Variants in SMPD3 observed in about 807,000 individuals in gnomAD.
The protein encoded by SMPD3 is sphingomyelin phosphodiesterase 3.
SMPD3 carries 21 observed loss-of-function variants against 55.7 expected under a neutral mutation model. The observed-to-expected ratio is 0.38, with a 90% CI of 0.27 to 0.54. The LOEUF (loss-of-function observed/expected upper bound fraction) is 0.54, where lower values mean the gene tolerates loss of function less well. Ranked by LOEUF, SMPD3 falls within the 20% of genes least tolerant of loss-of-function variation. SMPD3 has a pLI of 0.80. For synonymous variants in SMPD3, 457 were observed against 404.3 expected (o/e 1.13, Z -1.56); for missense variants, 842 against 899.6 (o/e 0.94, Z 0.82).
chr16:68,383,781 C>T (rs1280439207), intron 2 of SMPD3, among the ~76,000 whole-genome samples: 1 of 152,136 alleles, frequency 6.6e-6, no homozygotes, highest in Non-Finnish European at 1.5e-5. Flanking sequence ...AAGTTTATTA[C>T]TCCTCCTCCC....
Position 68,361,041 on chromosome 16 carries a change from C to A in SMPD3, c.*165G>T. 1.6e-6 allele frequency: 1 copy of A among 639,946 alleles called. No homozygotes were observed. The highest frequency in any genetic ancestry group is 2.0e-5 in the South Asian group (1 of 50,882). 39.6% of individuals were successfully genotyped at this position (639,946 alleles called of 1,614,324 possible). On this transcript the variant is annotated 3_prime_UTR_variant, in exon 9 of 9. Coordinates refer to ENST00000219334, the MANE Select transcript of SMPD3 (RefSeq NM_018667.4). ...TGACTCCTCTGTCCACAGTGAGGCCCAGAGGCGCAGAGCAGCGCAGCTTCC... is the reference window on the plus strand; with the variant it reads ...TGACTCCTCTGTCCACAGTGAGGCCAAGAGGCGCAGAGCAGCGCAGCTTCC...
At chr16:68,448,119 T>G (rs550073119) in intron 1 of SMPD3, among the ~76,000 whole-genome samples, 96 of 151,754 alleles carry the variant, frequency 6.3e-4, no homozygotes, top group African/African-American at 2.2e-3. Context: ...GGGGTGGGGG[T>G]GACCCCCAGC....
At chr16:68,438,029 G>A (rs571373535) in intron 1 of SMPD3, among the ~76,000 whole-genome samples, 1 of 152,316 alleles carries the variant, frequency 6.6e-6, no homozygotes, top group Non-Finnish European at 1.5e-5. Flanking sequence ...AATTTGCAAT[G>A]ACCCCAACTC....
chr16:68,367,071 G>A (rs928599704), intron 3 of SMPD3, among the ~76,000 whole-genome samples: 2 of 152,070 alleles, frequency 1.3e-5, no homozygotes, highest in African/African-American at 4.8e-5. Flanking sequence ...AGGAGGCTGA[G>A]GCAGGAGAAT....
chr16:68,428,449 C>G (rs2152028291), intron 1 of SMPD3, among the ~76,000 whole-genome samples: 1 of 152,336 alleles, frequency 6.6e-6, no homozygotes, highest in African/African-American at 2.4e-5. Flanking sequence ...TTGCAGGGAG[C>G]AGGAGCAGCA....
At chr16:68,363,084 CTG>C (rs1425832434) in intron 7 of SMPD3, among the ~76,000 whole-genome samples, 3 of 152,132 alleles carry the variant, frequency 2.0e-5, no homozygotes, top group African/African-American at 4.8e-5. Flanking sequence ...CAGCTGGTGT[CTG>C]TATTTGCCTG....
At chr16:68,372,470 C>A in intron 2 of SMPD3, 83 bp from the exon 3 acceptor site, 2 of 487,422 alleles carry the variant, frequency 4.1e-6, no homozygotes, top group Non-Finnish European at 7.5e-6. Context: ...CCAGCTCATC[C>A]CACTCCTGCT....
Position 68,418,104 on chromosome 16 carries a change from C to T in SMPD3, c.-269+30249G>A, listed in dbSNP as rs370216815. Among the ~76,000 whole-genome samples the T allele has an allele frequency of 3.3e-5, 5 of 152,264 alleles. No individual in the cohort carries two copies. In the East Asian group the frequency reaches 9.7e-4, roughly 29 times the overall value. ...CCTATCATGTTGCCGGATCTGCCCC[C>T]ACTCCCTTCCTGTTGTGTGCGGGCT... On this transcript the variant is annotated intron_variant, in intron 1 of 8. Coordinates refer to ENST00000219334, the MANE Select transcript of SMPD3 (RefSeq NM_018667.4).
At chr16:68,387,558 C>G (rs1433482425) in intron 1 of SMPD3, among the ~76,000 whole-genome samples, 5 of 152,228 alleles carry the variant, frequency 3.3e-5, no homozygotes, top group Middle Eastern at 3.2e-3. Context: ...GGCCCAGTCC[C>G]AGGCCTTGTC....
At chr16:68,377,423 G>A (rs1316243743) in intron 2 of SMPD3, among the ~76,000 whole-genome samples, 1 of 152,238 alleles carries the variant, frequency 6.6e-6, no homozygotes, top group Non-Finnish European at 1.5e-5. Flanking sequence ...GCCCCAGACT[G>A]CGGCTGCTCC....
At chr16:68,389,788 C>T (rs1597637835) in intron 1 of SMPD3, among the ~76,000 whole-genome samples, 1 of 152,172 alleles carries the variant, frequency 6.6e-6, no homozygotes, top group African/African-American at 2.4e-5. Context: ...GGGGAAAAAT[C>T]TTGACTGAAC....
chr16:68,384,566 G>A (rs1243648181), intron 2 of SMPD3, among the ~76,000 whole-genome samples: 1 of 152,166 alleles, frequency 6.6e-6, no homozygotes, highest in Non-Finnish European at 1.5e-5. Context: ...AGCAGAAGGA[G>A]GGACGGCCTT....
chr16:68,384,190 G>A (rs1045306660), intron 2 of SMPD3, among the ~76,000 whole-genome samples: 1 of 152,204 alleles, frequency 6.6e-6, no homozygotes, highest in African/African-American at 2.4e-5. Context: ...GTCCCCCACT[G>A]TGCCCTTCCA....
At chr16:68,422,607 G>A (rs1443985000) in intron 1 of SMPD3, among the ~76,000 whole-genome samples, 6 of 152,210 alleles carry the variant, frequency 3.9e-5, no homozygotes, top group African/African-American at 7.2e-5. Flanking sequence ...CTCCCACTGA[G>A]GGGTTGTTTA....
chr16:68,378,574 C>G (rs758514804), intron 2 of SMPD3, among the ~76,000 whole-genome samples: 1 of 152,084 alleles, frequency 6.6e-6, no homozygotes, highest in East Asian at 1.9e-4. Context: ...CACACCCCCC[C>G]ACCCCCTCAG....
intron 2 of SMPD3, among the ~76,000 whole-genome samples, chr16:68,382,563 G>A (rs1205945468): frequency 6.6e-6 from 1 of 152,204 alleles, no homozygotes; most frequent in Non-Finnish European, 1.5e-5. Context: ...GAGATAGGAA[G>A]GTGGTGGGTA....
At chr16:68,436,391 C>T (rs1055815049) in intron 1 of SMPD3, among the ~76,000 whole-genome samples, 12 of 152,106 alleles carry the variant, frequency 7.9e-5, no homozygotes, top group African/African-American at 2.9e-4. Context: ...TTATTCACTC[C>T]TCCCCCTGGT....
At chr16:68,370,271 GA>G (rs1188194761) in intron 3 of SMPD3, 5 of 153,884 alleles carry the variant, frequency 3.2e-5, no homozygotes, top group African/African-American at 1.2e-4. Flanking sequence ...CTGGTGGGCA[GA>G]CAGCCTGGCA....
chr16:68,425,400 T>A (rs1259741023), intron 1 of SMPD3, among the ~76,000 whole-genome samples: 1 of 152,152 alleles, frequency 6.6e-6, no homozygotes, highest in East Asian at 1.9e-4. Flanking sequence ...TCCAGCTGGA[T>A]GGTTCCAAGG....
Sources: gnomAD v4.1 joint callset for allele counts (sites outside exome capture counted in the v4.1 genomes callset) on GRCh38, gnomAD v4.1.1 for gene constraint, MANE v1.5 for transcripts, NCBI Gene and HGNC (gene_info 2026-07-23, HGNC 2026-07-21) for gene names.